The following CDIN1 variants were observed in gnomAD, a reference collection of about 807,000 sequenced individuals.
The protein encoded by CDIN1 is CDAN1 interacting nuclease 1.
A neutral mutation model predicts 45.3 loss-of-function variants in CDIN1; 33 were observed. The observed-to-expected ratio is 0.73, with a 90% CI of 0.55 to 0.97. CDIN1 has a LOEUF of 0.97. CDIN1 is among the 50% of genes least tolerant of loss of function. The pLI is 0.00. For missense variants in CDIN1, 303 were observed against 339.4 expected (o/e 0.89, Z 0.84); for synonymous variants, 118 against 124.4 (o/e 0.95, Z 0.34).
At chr15:36,612,243 C>A (rs942011423) in intron 1 of CDIN1, among the ~76,000 whole-genome samples, 3 of 152,136 alleles carry the variant, frequency 2.0e-5, no homozygotes, top group Admixed American at 6.5e-5. Flanking sequence ...CCTTGTCTCT[C>A]TTCTTCAGGA....
rs997176198 is a variant in CDIN1, at chr15:36,750,866, G to A, written c.716+40905G>A. ...TACAAAACTTATTAGGAAAAGCCATGGAGATCAGCAGGTGGAGGTGTGGGG... is the reference window on the plus strand; with the variant it reads ...TACAAAACTTATTAGGAAAAGCCATAGAGATCAGCAGGTGGAGGTGTGGGG... On this transcript the variant is annotated intron_variant, in intron 10 of 10. Coordinates refer to ENST00000566621, the MANE Select transcript of CDIN1 (RefSeq NM_001321759.2). Among the ~76,000 whole-genome samples, 5 of 152,142 alleles carry A rather than the reference G, an allele frequency of 3.3e-5. No homozygotes were observed. The East Asian group carries it at 9.7e-4, about 29-fold the overall frequency.
At chr15:36,713,352 A>G (rs7182919) in intron 10 of CDIN1, among the ~76,000 whole-genome samples, 93,884 of 152,060 alleles carry the variant, frequency 0.62, 29,266 homozygotes, top group East Asian at 0.69. Context: ...CGTTCTCATT[A>G]GAGACATCTC....
At chr15:36,688,155 T>C (rs892384415) in intron 5 of CDIN1, among the ~76,000 whole-genome samples, 1 of 151,452 alleles carries the variant, frequency 6.6e-6, no homozygotes, top group Admixed American at 6.6e-5. Flanking sequence ...ATAAAGTCAA[T>C]GAAATTAGAA....
intron 10 of CDIN1, among the ~76,000 whole-genome samples, chr15:36,794,314 T>A (rs2054733250): frequency 1.3e-5 from 2 of 152,080 alleles, no homozygotes. Context: ...CACCTCAGCC[T>A]CCCAAAGTGC....
chr15:36,640,992 G>A (rs2040081739), intron 1 of CDIN1, among the ~76,000 whole-genome samples: 3 of 152,200 alleles, frequency 2.0e-5, no homozygotes, highest in Admixed American at 6.5e-5. Flanking sequence ...CTCTAGGCAC[G>A]TCAATTTAGT....
At chr15:36,624,959 A>T (rs1169958379) in intron 1 of CDIN1, among the ~76,000 whole-genome samples, 1 of 152,172 alleles carries the variant, frequency 6.6e-6, no homozygotes, top group Non-Finnish European at 1.5e-5. Context: ...CAGAAAAAGA[A>T]TAAGGAAATA....
chr15:36,618,745 T>C, intron 1 of CDIN1: 1 of 765,126 alleles, frequency 1.3e-6, no homozygotes, highest in Non-Finnish European at 2.4e-6. Flanking sequence ...GCCTACTGCA[T>C]TAAGCACAAC....
intron 10 of CDIN1, among the ~76,000 whole-genome samples, chr15:36,726,557 A>G (rs1036017627): frequency 6.6e-6 from 1 of 152,222 alleles, no homozygotes; most frequent in African/African-American, 2.4e-5. Context: ...CTCATTGTAG[A>G]ACATTTATCT....
chr15:36,743,141 G>C (rs1302664048), intron 10 of CDIN1, among the ~76,000 whole-genome samples: 1 of 152,172 alleles, frequency 6.6e-6, no homozygotes, highest in Non-Finnish European at 1.5e-5. Context: ...GGAGAAGTAA[G>C]ACGAGCCAGG....
intron 3 of CDIN1, among the ~76,000 whole-genome samples, chr15:36,645,494 TTGTGTGTGTGTGTGTGTG>T (rs57349735): frequency 2.1e-5 from 3 of 143,380 alleles, no homozygotes; most frequent in African/African-American, 7.8e-5. Flanking sequence ...CTGTCTTGAC[TTGTGTGTGTGTGTGTGTG>T]TGTGTGTGTG....
intron 1 of CDIN1, among the ~76,000 whole-genome samples, chr15:36,602,983 C>CA (rs60188895): frequency 0.012 from 1,589 of 129,946 alleles, 33 homozygotes; most frequent in African/African-American, 0.036. Flanking sequence ...GACTCCGTCT[C>CA]AAAAAAAAAA....
rs377685100 is a variant in CDIN1, at chr15:36,765,057, C to CTTTTTTTTTTTTTTTTT, written c.717-43264_717-43263insTTTTTTTTTTTTTTTTT. Reference sequence around the variant, plus strand: ...ATTTTCTTTTCTTTTATTTTTCTTTCTTTCTTTTTTTTTTTTTAGATGGAG... The same window carrying CTTTTTTTTTTTTTTTTT: ...ATTTTCTTTTCTTTTATTTTTCTTTCTTTTTTTTTTTTTTTTTTTTCTTTTTTTTTTTTTAGATGGAG... On this transcript the variant is annotated intron_variant, in intron 10 of 10. Coordinates refer to ENST00000566621, the MANE Select transcript of CDIN1 (RefSeq NM_001321759.2). 8.6e-5 allele frequency among the ~76,000 whole-genome samples: 12 copies of CTTTTTTTTTTTTTTTTT among 139,642 alleles called. 2 individuals are homozygous for CTTTTTTTTTTTTTTTTT. The highest frequency in any genetic ancestry group is 2.1e-4 in the East Asian group (1 of 4,744). The allele number at this position is 139,642 out of a possible 152,430, so 91.6% of individuals were successfully genotyped here. A position where few individuals can be genotyped will look rare whatever the true frequency, so the allele number is the denominator to read the frequency against.
chr15:36,806,708 C>T (rs1418045400), intron 10 of CDIN1, among the ~76,000 whole-genome samples: 23 of 152,158 alleles, frequency 1.5e-4, no homozygotes, highest in Admixed American at 1.4e-3. Flanking sequence ...GATCATTTGA[C>T]ACTAATCATA....
At chr15:36,591,630 G>A (rs1003727423) in intron 1 of CDIN1, among the ~76,000 whole-genome samples, 2 of 152,188 alleles carry the variant, frequency 1.3e-5, no homozygotes, top group African/African-American at 4.8e-5. Flanking sequence ...GGGTGCACTT[G>A]GAACTCTCTA....
chr15:36,582,185 C>T (rs1359301465), intron 1 of CDIN1, among the ~76,000 whole-genome samples: 1 of 152,164 alleles, frequency 6.6e-6, no homozygotes, highest in Non-Finnish European at 1.5e-5. Flanking sequence ...CTGCCAGATA[C>T]TTAAATCTGA....
At chr15:36,650,838 G>A (rs746221324) in intron 3 of CDIN1, among the ~76,000 whole-genome samples, 20 of 152,190 alleles carry the variant, frequency 1.3e-4, no homozygotes, top group African/African-American at 1.9e-4. Flanking sequence ...AGAGGCAAGC[G>A]GATCACCTGA....
intron 10 of CDIN1, among the ~76,000 whole-genome samples, chr15:36,725,789 G>C (rs1052247074): frequency 6.6e-6 from 1 of 151,910 alleles, no homozygotes; most frequent in Non-Finnish European, 1.5e-5. Context: ...GGCATGGAGA[G>C]GGGAAGAAAA....
intron 1 of CDIN1, among the ~76,000 whole-genome samples, chr15:36,620,866 C>G (rs773810401): frequency 6.6e-6 from 1 of 151,980 alleles, no homozygotes; most frequent in African/African-American, 2.4e-5. Flanking sequence ...TCTTCTTCCC[C>G]CACACCCAAA....
At chr15:36,785,675 T>G (rs2054471986) in intron 10 of CDIN1, among the ~76,000 whole-genome samples, 1 of 152,200 alleles carries the variant, frequency 6.6e-6, no homozygotes, top group African/African-American at 2.4e-5. Context: ...ACTATTCTCG[T>G]TACCTTGTGC....
Sources: allele counts gnomAD v4.1 joint callset (sites outside exome capture counted in the v4.1 genomes callset), GRCh38; gene constraint gnomAD v4.1.1; transcripts MANE v1.5; gene names NCBI Gene and HGNC (gene_info 2026-07-23, HGNC 2026-07-21).